DAB1: variants seen among roughly 807,000 people sequenced by gnomAD.
DAB1 encodes the protein disabled homolog 1.
In DAB1, 15 loss-of-function variants were observed where a neutral mutation model predicts 64.6. That is an observed-to-expected ratio of 0.23 (90% confidence interval 0.16 to 0.36). DAB1 has a LOEUF of 0.36. Among genes scored for constraint, DAB1 ranks in the 10% least tolerant of loss-of-function variants. The pLI is 1.00. For missense variants in DAB1, 596 were observed against 706.7 expected (o/e 0.84, Z 1.78); for synonymous variants, 235 against 251.9 (o/e 0.93, Z 0.64).
chr1:58,370,542 A>T (rs949242708), intron 3 of DAB1, among the ~76,000 whole-genome samples: 6 of 152,026 alleles, frequency 3.9e-5, no homozygotes, highest in African/African-American at 4.8e-5. Context: ...TATTCACGTT[A>T]TCTGTTGTGG....
intron 1 of DAB1, among the ~76,000 whole-genome samples, chr1:58,541,858 A>G (rs963432622): frequency 3.3e-5 from 5 of 152,188 alleles, no homozygotes; most frequent in African/African-American, 1.2e-4. Flanking sequence ...TAAAGTCAAT[A>G]AACAAAATAT....
rs780469840 is a variant in DAB1 at position 57,149,415 on chromosome 1, A to G, written c.68-3986T>C. On this transcript the variant is annotated intron_variant, in intron 2 of 14. Coordinates refer to ENST00000371236, the MANE Select transcript of DAB1 (RefSeq NM_001365792.1). ...TGGAGAACTGTCAATTTGTTTTTCC[A>G]AAGTGTCTGCACCATTTTACAACCC... Among the ~76,000 whole-genome samples, 3 of 152,306 alleles carry G rather than the reference A, an allele frequency of 2.0e-5. No individual in the cohort carries two copies. The South Asian group carries it at 6.2e-4, about 32-fold the overall frequency.
intron 1 of DAB1, among the ~76,000 whole-genome samples, chr1:57,845,455 A>G (rs1344067042): frequency 6.6e-6 from 1 of 152,254 alleles, no homozygotes; most frequent in Non-Finnish European, 1.5e-5. Flanking sequence ...TGTGGTAGAC[A>G]GCACAGTCAA....
intron 2 of DAB1, among the ~76,000 whole-genome samples, chr1:57,191,237 G>C (rs1664093470): frequency 6.6e-6 from 1 of 152,138 alleles, no homozygotes; most frequent in Non-Finnish European, 1.5e-5. Context: ...ATTTCTTCAA[G>C]TTATTATCCT....
At chr1:58,424,839 C>T (rs1181472154) in intron 3 of DAB1, among the ~76,000 whole-genome samples, 1 of 151,550 alleles carries the variant, frequency 6.6e-6, no homozygotes, top group Non-Finnish European at 1.5e-5. Flanking sequence ...GAGAAGGAGG[C>T]ATCTATGATG....
intron 1 of DAB1, among the ~76,000 whole-genome samples, chr1:57,318,768 C>G (rs1353312720): frequency 6.7e-6 from 1 of 149,978 alleles, no homozygotes; most frequent in Non-Finnish European, 1.5e-5. Context: ...CATCGGATTC[C>G]TCAGCCTCTG....
intron 3 of DAB1, among the ~76,000 whole-genome samples, chr1:58,397,986 C>T (rs1213842622): frequency 6.6e-6 from 1 of 152,174 alleles, no homozygotes; most frequent in East Asian, 1.9e-4. Context: ...TCCCTGTCTT[C>T]ATCCCACACC....
At chr1:57,882,909 C>A (rs978968255) in intron 1 of DAB1, among the ~76,000 whole-genome samples, 3 of 152,228 alleles carry the variant, frequency 2.0e-5, no homozygotes, top group South Asian at 2.1e-4. Context: ...TACACCGAAC[C>A]CAGTTTTTTT....
intron 7 of DAB1, among the ~76,000 whole-genome samples, chr1:57,577,433 C>A (rs116407026): frequency 6.6e-6 from 1 of 151,874 alleles, no homozygotes; most frequent in African/African-American, 2.4e-5. Flanking sequence ...AAAAAACAGG[C>A]CTTTTCAAAA....
intron 5 of DAB1, among the ~76,000 whole-genome samples, chr1:57,925,065 A>G (rs980402736): frequency 4.6e-5 from 7 of 152,220 alleles, no homozygotes; most frequent in Admixed American, 6.5e-5. Flanking sequence ...AGGTTGTTAA[A>G]TACAGAATAA....
chr1:57,305,510 G>C (rs1345092869), intron 1 of DAB1, among the ~76,000 whole-genome samples: 1 of 152,210 alleles, frequency 6.6e-6, no homozygotes, highest in Non-Finnish European at 1.5e-5. Context: ...ATAGGGCAGA[G>C]AGAGCCCCTG....
At chr1:57,699,854 A>C (rs996756603) in intron 6 of DAB1, among the ~76,000 whole-genome samples, 2 of 152,304 alleles carry the variant, frequency 1.3e-5, no homozygotes, top group African/African-American at 4.8e-5. Flanking sequence ...CGGAGGTTGC[A>C]GTGAGCTGAG....
Position 58,049,724 on chromosome 1 carries a change from A to C in DAB1, n.387+100787T>G, listed in dbSNP as rs993017491. ...TCTTCTTATCTGAAAAATAGAAATG[A>C]TACCTCACATTGCAGGATAGTTTTA... is the stretch of plus-strand genomic sequence containing the variant. On this transcript the variant is annotated intron_variant and non_coding_transcript_variant, in intron 5 of 20. Transcript: ENST00000485760. Among the ~76,000 whole-genome samples the C allele has an allele frequency of 3.3e-4, 51 of 152,264 alleles. 1 individual carries two copies. The highest frequency in any genetic ancestry group is 9.1e-4 in the African/African-American group (38 of 41,544).
chr1:57,438,625 C>G (rs909066011), intron 7 of DAB1, among the ~76,000 whole-genome samples: 2 of 152,118 alleles, frequency 1.3e-5, no homozygotes, highest in African/African-American at 4.8e-5. Flanking sequence ...AATTAAATAA[C>G]TTGCTCAGGG....
rs147906535 is a variant in DAB1 at position 58,372,640 on chromosome 1, T to G, written n.258-29237A>C. On this transcript the variant is annotated intron_variant and non_coding_transcript_variant, in intron 3 of 20. Transcript: ENST00000485760. ...TCTCTATCTCTCCACCCAAAGCTCA[T>G]CTTGAATTATAATCCAAATTGTAAT... Among the ~76,000 whole-genome samples the G allele has an allele frequency of 7.3e-3, 1,105 of 152,322 alleles. 10 individuals are homozygous for G. The highest frequency in any genetic ancestry group is 0.026 in the African/African-American group (1,064 of 41,568).
At chr1:57,414,298 T>C (rs780933998) in intron 1 of DAB1, among the ~76,000 whole-genome samples, 13 of 152,232 alleles carry the variant, frequency 8.5e-5, no homozygotes, top group Non-Finnish European at 1.5e-4. Context: ...GCTACTTCAA[T>C]CTTCAGTAAC....
intron 4 of DAB1, among the ~76,000 whole-genome samples, chr1:57,094,320 A>T (rs1429180125): frequency 1.3e-5 from 2 of 152,148 alleles, no homozygotes; most frequent in Non-Finnish European, 2.9e-5. Flanking sequence ...CTTTCAAAGG[A>T]AGAAACATAG....
chr1:57,562,608 C>T (rs1211138046), intron 7 of DAB1, among the ~76,000 whole-genome samples: 2 of 152,158 alleles, frequency 1.3e-5, no homozygotes, highest in Non-Finnish European at 2.9e-5. Flanking sequence ...GGTACTGTGT[C>T]TCCCACAGCC....
In DAB1 at chr1:58,288,036, A is replaced by AAAG. The variant is rs1553173049; in HGVS notation, n.309+55315_309+55316insCTT. Among the ~76,000 whole-genome samples the AAAG allele has an allele frequency of 7.5e-5, 11 of 147,210 alleles. 1 individual carries two copies. Among genetic ancestry groups the AAAG allele is most frequent in the African/African-American group, 2.7e-4 (11 of 40,200 alleles). On this transcript the variant is annotated intron_variant and non_coding_transcript_variant, in intron 4 of 20. Transcript: ENST00000485760. ...GACTGCCTCAAAAAAAAAAAAAAAAAAAAAAAAAAGAAAAAAAAGAGCAGC... is the reference window on the plus strand; with the variant it reads ...GACTGCCTCAAAAAAAAAAAAAAAAAAAGAAAAAAAAAGAAAAAAAAGAGCAGC...
Sources: gnomAD v4.1 joint callset for allele counts (sites outside exome capture counted in the v4.1 genomes callset) on GRCh38, gnomAD v4.1.1 for gene constraint, MANE v1.5 for transcripts, NCBI Gene and HGNC (gene_info 2026-07-23, HGNC 2026-07-21) for gene names.